The following SUMF1 variants were observed in gnomAD, a reference collection of about 807,000 sequenced individuals.
SUMF1 encodes the protein formylglycine-generating enzyme.
A neutral mutation model predicts 47.6 loss-of-function variants in SUMF1; 48 were observed. The ratio of observed to expected loss-of-function variants is 1.01; its 90% confidence interval spans 0.80 to 1.28. SUMF1 has a LOEUF of 1.28. Ranked by LOEUF, SUMF1 falls within the 50% of genes most tolerant of loss-of-function variation. The probability of loss-of-function intolerance (pLI) is 0.00; values close to 1 mark genes in which losing one functional copy is unlikely to be tolerated. For synonymous variants in SUMF1, 230 were observed against 192.1 expected (o/e 1.20, Z -1.63); for missense variants, 571 against 485.4 (o/e 1.18, Z -1.66).
chr3:4,445,276 G>C (rs879725682), intron 3 of SUMF1, among the ~76,000 whole-genome samples: 6 of 152,122 alleles, frequency 3.9e-5, no homozygotes, highest in Non-Finnish European at 7.4e-5. Flanking sequence ...AAAAAGATAT[G>C]CCCAAACCTT....
Position 4,467,133 on chromosome 3 carries a change from C to G in SUMF1, c.113G>C (p.Gly38Ala). 1 of 1,568,394 alleles carries G rather than the reference C, an allele frequency of 6.4e-7. No individual in the cohort carries two copies. Among genetic ancestry groups the G allele is most frequent in the East Asian group, 2.4e-5 (1 of 42,012 alleles). The change falls in exon 1 of 9, where the codon GGG becomes GCG. Residue 38 changes from glycine to alanine, a missense_variant. By Grantham distance (60) the Gly-to-Ala change is moderately conservative (BLOSUM62 0). Coordinates refer to ENST00000272902, the MANE Select transcript of SUMF1 (RefSeq NM_182760.4). ...AAGGGACCCCGCGCCCGCACCGGTC[C>G]CGGCCTCCTGGCTCCCTGCCGCTCC... Reference protein sequence around the residue: ...LCGAAGSQEAGTGAGAGSLAG... With the variant: ...LCGAAGSQEAATGAGAGSLAG...
chr3:4,052,604 G>A (rs1695130613), intron 9 of SUMF1, among the ~76,000 whole-genome samples: 1 of 152,114 alleles, frequency 6.6e-6, no homozygotes, highest in Non-Finnish European at 1.5e-5. Flanking sequence ...GTGCTAATAA[G>A]TTACGTTTAA....
chr3:4,214,122 C>T (rs1695863310), intron 8 of SUMF1, among the ~76,000 whole-genome samples: 1 of 152,174 alleles, frequency 6.6e-6, no homozygotes, highest in Non-Finnish European at 1.5e-5. Flanking sequence ...CTCAGAACCA[C>T]ATCACACTTA....
intron 8 of SUMF1, among the ~76,000 whole-genome samples, chr3:4,127,434 C>A (rs1185997628): frequency 6.6e-6 from 1 of 152,086 alleles, no homozygotes; most frequent in Non-Finnish European, 1.5e-5. Context: ...TTAATTTGGG[C>A]AGGCACAATC....
chr3:4,131,663 G>A (rs1328615216), intron 8 of SUMF1, among the ~76,000 whole-genome samples: 1 of 152,174 alleles, frequency 6.6e-6, no homozygotes, highest in East Asian at 1.9e-4. Context: ...GAAGAAACAT[G>A]ATTGGAAAAT....
chr3:4,370,260 T>C (rs1176769030), intron 8 of SUMF1, among the ~76,000 whole-genome samples: 1 of 152,172 alleles, frequency 6.6e-6, no homozygotes, highest in African/African-American at 2.4e-5. Flanking sequence ...AATGATGTCT[T>C]TGGGGTAACT....
At chr3:4,296,101 C>T (rs1220184302) in intron 8 of SUMF1, among the ~76,000 whole-genome samples, 1 of 133,110 alleles carries the variant, frequency 7.5e-6, no homozygotes, top group Admixed American at 7.5e-5. Flanking sequence ...AAAAATGACC[C>T]ATATGCCTTT....
chr3:4,146,624 G>A (rs976221713), intron 8 of SUMF1, among the ~76,000 whole-genome samples: 1 of 151,782 alleles, frequency 6.6e-6, no homozygotes, highest in Non-Finnish European at 1.5e-5. Flanking sequence ...CCATGTTGGT[G>A]TGCTGCACCC....
At chr3:4,196,617 G>C (rs1459279469) in intron 8 of SUMF1, among the ~76,000 whole-genome samples, 1 of 152,186 alleles carries the variant, frequency 6.6e-6, no homozygotes. Flanking sequence ...CAGAGACCTT[G>C]GCTAAAGTAC....
At chr3:4,466,105 A>C (rs1359836799) in intron 1 of SUMF1, among the ~76,000 whole-genome samples, 3 of 151,702 alleles carry the variant, frequency 2.0e-5, no homozygotes, top group Non-Finnish European at 4.4e-5. Context: ...AGTAACAGTT[A>C]TTTCTTTCTT....
intron 6 of SUMF1, chr3:4,414,922 C>CTTATATCAT (rs1701659586): frequency 6.6e-6 from 1 of 152,188 alleles, no homozygotes; most frequent in African/African-American, 2.4e-5. Flanking sequence ...TGAACAGGCA[C>CTTATATCAT]TTATATCATT....
At chr3:4,318,628 C>T (rs1698747438) in intron 8 of SUMF1, among the ~76,000 whole-genome samples, 1 of 152,194 alleles carries the variant, frequency 6.6e-6, no homozygotes, top group Non-Finnish European at 1.5e-5. Context: ...AAACTCAGGG[C>T]CGGGTTCAGT....
chr3:4,090,230 G>GA (rs895658289), intron 8 of SUMF1, among the ~76,000 whole-genome samples: 9 of 151,874 alleles, frequency 5.9e-5, no homozygotes, highest in Non-Finnish European at 1.3e-4. Flanking sequence ...TTGATCAGAG[G>GA]AAAAAAAATC....
chr3:4,278,056 C>A (rs968993301), intron 8 of SUMF1, among the ~76,000 whole-genome samples: 3 of 151,956 alleles, frequency 2.0e-5, no homozygotes, highest in Non-Finnish European at 2.9e-5. Context: ...AGTTTGGTCC[C>A]AAGTATTTTA....
intron 8 of SUMF1, among the ~76,000 whole-genome samples, chr3:4,140,247 A>G (rs752565564): frequency 6.6e-6 from 1 of 152,062 alleles, no homozygotes; most frequent in Non-Finnish European, 1.5e-5. Flanking sequence ...CAAATTCTAG[A>G]CACTGATGTG....
chr3:4,367,523 A>T lies in SUMF1; in HGVS notation c.1015-5269T>A, dbSNP rs9858430. On this transcript the variant is annotated intron_variant, in intron 8 of 8. Transcript: ENST00000272902. Reference sequence around the variant, plus strand: ...ATGGAACTAAAAAAGAGCCCGCATCACCAAGTCAATCCTAAGCCAAAAGAA... The same window carrying T: ...ATGGAACTAAAAAAGAGCCCGCATCTCCAAGTCAATCCTAAGCCAAAAGAA... 3.3e-5 allele frequency among the ~76,000 whole-genome samples: 5 copies of T among 151,084 alleles called. 1 individual carries two copies. The East Asian group carries it at 9.9e-4, about 30-fold the overall frequency.
At chr3:4,368,103 T>C (rs994184411) in intron 8 of SUMF1, among the ~76,000 whole-genome samples, 3 of 152,132 alleles carry the variant, frequency 2.0e-5, no homozygotes, top group Admixed American at 2.0e-4. Flanking sequence ...AAAGGGCTAA[T>C]ATTTAGAATC....
At chr3:4,453,583 G>GA (rs1474411289) in intron 1 of SUMF1, among the ~76,000 whole-genome samples, 12 of 151,038 alleles carry the variant, frequency 7.9e-5, no homozygotes, top group Non-Finnish European at 1.5e-4. Flanking sequence ...CCCCAGGCTG[G>GA]AGTACAGTGG....
Position 4,266,088 on chromosome 3 carries a change from G to T in SUMF1, c.1014+110242C>A, listed in dbSNP as rs369045871. Among the ~76,000 whole-genome samples the T allele has an allele frequency of 5.2e-3, 783 of 151,964 alleles. 28 individuals carry two copies. In the East Asian group the frequency reaches 0.097, roughly 19 times the overall value. ...GGCTCTGTTCTGTTCCATTGATCTA[G>T]ATCTCTGTTTTGATACCAGTACCAT... is the stretch of plus-strand genomic sequence containing the variant. On this transcript the variant is annotated intron_variant and NMD_transcript_variant, in intron 8 of 12. Coordinates refer to the SUMF1 transcript ENST00000448413.
Sources: gnomAD v4.1 joint callset for allele counts (sites outside exome capture counted in the v4.1 genomes callset) on GRCh38, gnomAD v4.1.1 for gene constraint, MANE v1.5 for transcripts, NCBI Gene and HGNC (gene_info 2026-07-23, HGNC 2026-07-21) for gene names.